LARP4B: variants seen among roughly 807,000 people sequenced by gnomAD.
LARP4B encodes the protein La ribonucleoprotein 4B, also known as la-related protein 4B.
A neutral mutation model predicts 89.8 loss-of-function variants in LARP4B; 12 were observed. The observed-to-expected ratio is 0.13, with a 90% confidence interval of 0.09 to 0.22. The LOEUF (loss-of-function observed/expected upper bound fraction) is 0.22. Among genes scored for constraint, LARP4B ranks in the 10% least tolerant of loss-of-function variants. The probability of loss-of-function intolerance (pLI) is 1.00; values close to 1 mark genes in which losing one functional copy is unlikely to be tolerated. For synonymous variants in LARP4B, 367 were observed against 363.3 expected, an observed-to-expected ratio of 1.01 and a Z score of -0.12; for missense variants, 757 against 947.7, an observed-to-expected ratio of 0.80 and a Z score of 2.64.
intron 3 of LARP4B, among the ~76,000 whole-genome samples, chr10:870,976 A>G (rs1031063859): frequency 1.3e-5 from 2 of 152,232 alleles, no homozygotes; most frequent in African/African-American, 4.8e-5. Context: ...TTTCAAAATC[A>G]GCGTTCTCTG....
At chr10:833,816 G>A (rs11818325) in intron 8 of LARP4B, among the ~76,000 whole-genome samples, 23,028 of 150,832 alleles carry the variant, frequency 0.15, 1,919 homozygotes, top group Non-Finnish European at 0.19. Flanking sequence ...TTGAACCCGG[G>A]AGGCAGAGGT....
intron 13 of LARP4B, among the ~76,000 whole-genome samples, chr10:824,203 T>C (rs145930074): frequency 1.6e-4 from 25 of 152,252 alleles, no homozygotes; most frequent in South Asian, 8.3e-4. Context: ...ACTGGCCTTA[T>C]CAACAATGGG....
chr10:936,730 AAAC>A (rs1311589584), upstream of LARP4B, among the ~76,000 whole-genome samples: 1 of 152,164 alleles, frequency 6.6e-6, no homozygotes, highest in East Asian at 1.9e-4. Flanking sequence ...GCCCCCCAAA[AAAC>A]AACAAAAAAC....
At chr10:867,436 C>A (rs1834958953) in intron 3 of LARP4B, among the ~76,000 whole-genome samples, 1 of 152,166 alleles carries the variant, frequency 6.6e-6, no homozygotes, top group South Asian at 2.1e-4. Flanking sequence ...AAATTCAACA[C>A]TCATCAAGAG....
At chr10:896,177 C>G (rs1432063989) in intron 1 of LARP4B, among the ~76,000 whole-genome samples, 2 of 152,238 alleles carry the variant, frequency 1.3e-5, no homozygotes, top group African/African-American at 4.8e-5. Context: ...TAATGGTTCT[C>G]AATGTGTGGT....
chr10:828,555 G>A (rs1363857848), intron 11 of LARP4B, among the ~76,000 whole-genome samples: 1 of 152,142 alleles, frequency 6.6e-6, no homozygotes, highest in African/African-American at 2.4e-5. Context: ...CCGACCCTGA[G>A]GACCACTCAG....
chr10:857,294 CAG>C (rs1287295139), intron 5 of LARP4B, among the ~76,000 whole-genome samples: 1 of 151,872 alleles, frequency 6.6e-6, no homozygotes, highest in Non-Finnish European at 1.5e-5. Flanking sequence ...GCAATGCAAG[CAG>C]AGAGATGGAA....
intron 12 of LARP4B, 35 bp from the exon 13 acceptor site, chr10:825,351 A>G (rs1274984638): frequency 8.1e-6 from 13 of 1,602,852 alleles, no homozygotes; most frequent in Admixed American, 1.7e-5. Flanking sequence ...GTTGAGTTAT[A>G]AAATGATCAA....
intron 1 of LARP4B, among the ~76,000 whole-genome samples, chr10:910,325 T>C (rs1011113623): frequency 1.3e-5 from 2 of 152,096 alleles, no homozygotes; most frequent in African/African-American, 2.4e-5. Context: ...CCAAATCAAC[T>C]CTCTACTTAT....
At chr10:839,269 T>C (rs909155544) in intron 7 of LARP4B, among the ~76,000 whole-genome samples, 1 of 152,322 alleles carries the variant, frequency 6.6e-6, no homozygotes, top group South Asian at 2.1e-4. Flanking sequence ...CAGGTGACAA[T>C]GATGTGTCAG....
rs58452748 is a variant in LARP4B at position 897,987 on chromosome 10, C to CAAAAAAAAAA, written c.-39-12237_-39-12228dup. Among the ~76,000 whole-genome samples the CAAAAAAAAAA allele has an allele frequency of 1.0e-3, 26 of 25,644 alleles. 1 individual carries two copies. Among genetic ancestry groups the CAAAAAAAAAA allele is most frequent in the African/African-American group, 4.3e-3 (24 of 5,612 alleles). 16.8% of individuals were successfully genotyped at this position (25,644 alleles called of 152,430 possible). On this transcript the variant is annotated intron_variant, in intron 1 of 17. Transcript: ENST00000316157. ...TGGGCGACAAAGCGAGGCTCCATCT[C>CAAAAAAAAAA]AAAAAAAAAAAAAAAAAAAAAAAAA...
chr10:920,990 A>G (rs542672181), intron 1 of LARP4B, among the ~76,000 whole-genome samples: 7 of 152,004 alleles, frequency 4.6e-5, no homozygotes, highest in African/African-American at 1.7e-4. Flanking sequence ...CTGGAAGTTA[A>G]GGGTCAGGCA....
rs886484060 is a variant in LARP4B, at chr10:893,841, C to T, written c.-39-8081G>A. ...CAGGAAGAATGAACGGAAAACAAGT[C>T]GGCAGCAATCATGAGAGCTACCACC... is the stretch of plus-strand genomic sequence containing the variant. On this transcript the variant is annotated intron_variant, in intron 1 of 17. Transcript: ENST00000316157. Among the ~76,000 whole-genome samples the T allele has an allele frequency of 3.9e-5, 6 of 152,132 alleles. No homozygotes were observed. The East Asian group carries it at 5.8e-4, about 15-fold the overall frequency.
intron 1 of LARP4B, among the ~76,000 whole-genome samples, chr10:906,779 A>G (rs574116790): frequency 6.6e-6 from 1 of 152,350 alleles, no homozygotes; most frequent in African/African-American, 2.4e-5. Context: ...AGGACATATC[A>G]TTGACTCAGG....
At chr10:973,696 C>G in the LARP4B span, among the ~76,000 whole-genome samples, 2 of 152,176 alleles carry the variant, frequency 1.3e-5, no homozygotes, top group African/African-American at 4.8e-5. Context: ...CACAGCCACA[C>G]TGGTTCCCGT....
chr10:812,195 T>A lies in LARP4B; in HGVS notation c.*731A>T, dbSNP rs557673381. 2 of 152,702 alleles carry A rather than the reference T, an allele frequency of 1.3e-5. No homozygotes were observed. The highest frequency in any genetic ancestry group is 4.8e-5 in the African/African-American group (2 of 41,480). 9.5% of individuals were successfully genotyped at this position (152,702 alleles called of 1,614,324 possible). On this transcript the variant is annotated 3_prime_UTR_variant, in exon 18 of 18. Transcript: ENST00000316157. ...GTGGGCAACAAAGTGTATGTTTTCA[T>A]GTAGGTTCTATTCACAATGTGCTTT... is the stretch of plus-strand genomic sequence containing the variant.
upstream of LARP4B, among the ~76,000 whole-genome samples, chr10:936,635 A>G (rs577647190): frequency 7.9e-5 from 12 of 152,208 alleles, no homozygotes; most frequent in Non-Finnish European, 8.8e-5. Flanking sequence ...AGGCAGAAGA[A>G]TTGCTTAAAC....
chr10:831,061 C>A, intron 8 of LARP4B, 84 bp from the exon 9 acceptor site: 1 of 599,246 alleles, frequency 1.7e-6, no homozygotes, highest in Non-Finnish European at 3.0e-6. Context: ...CAAATGCATT[C>A]TCTTAAGGAA....
chr10:837,203 G>A (rs1402444597), intron 7 of LARP4B, among the ~76,000 whole-genome samples: 1 of 152,124 alleles, frequency 6.6e-6, no homozygotes, highest in African/African-American at 2.4e-5. Context: ...AACCACCAAA[G>A]CTCACCCTAC....
Sources: gnomAD v4.1 joint callset for allele counts (sites outside exome capture counted in the v4.1 genomes callset) on GRCh38, gnomAD v4.1.1 for gene constraint, MANE v1.5 for transcripts, NCBI Gene and HGNC (gene_info 2026-07-23, HGNC 2026-07-21) for gene names.